Variants in SURF1 observed in about 807,000 individuals in gnomAD.
SURF1 encodes surfeit locus protein 1.
In SURF1, 45 loss-of-function variants were observed where a neutral mutation model predicts 34.1. That is an observed-to-expected ratio of 1.32 (90% confidence interval 1.04 to 1.69). The LOEUF (loss-of-function observed/expected upper bound fraction) is 1.69. SURF1 is among the 40% of genes most tolerant of loss of function. The probability of loss-of-function intolerance (pLI) is 0.00; values close to 1 mark genes in which losing one functional copy is unlikely to be tolerated. For missense variants in SURF1, 456 were observed against 384.6 expected, an observed-to-expected ratio of 1.19 and a Z score of -1.55; for synonymous variants, 188 against 147.5, an observed-to-expected ratio of 1.27 and a Z score of -1.99.
rs1300876782 is a variant in SURF1 at position 133,352,618 on chromosome 9, A to T, written c.589-10T>A. On this transcript the variant is annotated splice_polypyrimidine_tract_variant and intron_variant, in intron 6 of 8. Coordinates refer to ENST00000371974, the MANE Select transcript of SURF1 (RefSeq NM_003172.4). Reference sequence around the variant, plus strand: ...CCACTTCTCCCTCAATCTATAAAGGAAGGTGTGTGAGATTGCATGGAGCCT... The same window carrying T: ...CCACTTCTCCCTCAATCTATAAAGGTAGGTGTGTGAGATTGCATGGAGCCT... 3 of 1,614,002 alleles carry T rather than the reference A, an allele frequency of 1.9e-6. No individual in the cohort carries two copies. Among genetic ancestry groups the T allele is most frequent in the Non-Finnish European group, 2.5e-6 (3 of 1,180,002 alleles).
In SURF1 at chr9:133,353,773, G is replaced by GT; in HGVS notation, c.490dup (p.Thr164AsnfsTer16). ...CCCCAGGTCGGTGCAGTGGAAGGGA[G>GT]TGACCACATAGGCCCCACTCTGAGT... On this transcript the variant is annotated frameshift_variant, in exon 5 of 9. Coordinates refer to ENST00000371974, the MANE Select transcript of SURF1 (RefSeq NM_003172.4). LOFTEE classifies it high-confidence loss of function. The GT allele has an allele frequency of 1.2e-6, 2 of 1,613,872 alleles. No homozygotes were observed. Among genetic ancestry groups the GT allele is most frequent in the Non-Finnish European group, 1.7e-6 (2 of 1,180,040 alleles).
In SURF1 at chr9:133,352,709, G is replaced by A. The variant is rs2130009474; in HGVS notation, c.573C>T (p.Thr191=). The A allele has an allele frequency of 1.1e-5, 18 of 1,613,182 alleles. No homozygotes were observed. In the Admixed American group the frequency reaches 2.2e-4, roughly 19 times the overall value. ...TGTCCCTTACCTGGCCTTTCTGCCG[G>A]GTTTCAGGATTCACTTTCTTCCTGG... The part of the protein sequence containing the change: ...FVPRKKVNPE[T]RQKGQIEGEV... The change falls in exon 6 of 9, where the codon ACC becomes ACT. Residue 191 remains threonine (T), a synonymous_variant. Transcript: ENST00000371974.
chr9:133,352,405 CAA>C (rs2130006595), intron 7 of SURF1, 39 bp downstream of exon 7: 10 of 1,614,102 alleles, frequency 6.2e-6, no homozygotes, highest in Non-Finnish European at 8.5e-6. Flanking sequence ...ACAGTATTCA[CAA>C]AAGCTACTTG....
chr9:133,354,326 G>C (rs2130016836), intron 4 of SURF1: 1 of 490,308 alleles, frequency 2.0e-6, no homozygotes, highest in East Asian at 3.9e-5. Flanking sequence ...TTTTTCAAAC[G>C]ACCACCCTCA....
chr9:133,351,950 C>T lies in SURF1; in HGVS notation c.866G>A (p.Trp289Ter). The change falls in exon 9 of 9, where the codon TGG becomes TAG. Residue 289 changes from tryptophan to a stop codon, truncating the protein, a stop_gained. Coordinates refer to ENST00000371974, the MANE Select transcript of SURF1 (RefSeq NM_003172.4). LOFTEE classifies it high-confidence loss of function. ...YGLSAATSYL[W>*]FKKFLRGTPG... is the part of the protein sequence containing the mutation. ...TGTCCCACGTAGGAATTTCTTAAAC[C>T]ACAGGTAGGATGTAGCTGCAGAGAG... 1 of 1,613,938 alleles carries T rather than the reference C, an allele frequency of 6.2e-7. No individual in the cohort carries two copies. The highest frequency in any genetic ancestry group is 8.5e-7 in the Non-Finnish European group (1 of 1,179,984).
rs2130020994 is a variant in SURF1, at chr9:133,355,236, A to G, written c.107-279T>C. Among the ~76,000 whole-genome samples the G allele has an allele frequency of 4.9e-4, 74 of 152,342 alleles. 1 individual carries two copies. The highest frequency in any genetic ancestry group is 1.7e-3 in the African/African-American group (72 of 41,578). The stretch of plus-strand genomic sequence containing the variant: ...CCTTTTTACTCAAGAATCTAGATGT[A>G]TTCCACTGCACTAAGATGCACCATT... On this transcript the variant is annotated intron_variant, in intron 2 of 8. Transcript: ENST00000371974.
rs2130013313 is a variant in SURF1, at chr9:133,353,473, G to A, written c.515+276C>T. 0.056 allele frequency among the ~76,000 whole-genome samples: 8,556 copies of A among 152,290 alleles called. 335 individuals are homozygous for A. Among genetic ancestry groups the A allele is most frequent in the Non-Finnish European group, 0.087 (5,905 of 68,020 alleles). On this transcript the variant is annotated intron_variant, in intron 5 of 8. Transcript: ENST00000371974. ...CCATCATCTAATGTGTGGGCAACTAGACAGTTCTCCAGAGGCAGGGCCCCT... is the reference window on the plus strand; with the variant it reads ...CCATCATCTAATGTGTGGGCAACTAAACAGTTCTCCAGAGGCAGGGCCCCT...
intron 2 of SURF1, chr9:133,356,029 CAG>C (rs1408441174): frequency 1.3e-5 from 8 of 593,270 alleles, no homozygotes; most frequent in African/African-American, 1.1e-4. Flanking sequence ...TTCTCTGTAA[CAG>C]GGGAACGACC....
chr9:133,352,341 C>A, intron 7 of SURF1, 105 bp downstream of exon 7: 1 of 1,577,232 alleles, frequency 6.3e-7, no homozygotes, highest in Non-Finnish European at 8.7e-7. Flanking sequence ...GCCATATACA[C>A]ATGTGAGAAC....
intron 4 of SURF1, 70 bp from the exon 5 acceptor site, chr9:133,354,010 T>G: frequency 6.4e-7 from 1 of 1,572,052 alleles, no homozygotes; most frequent in Non-Finnish European, 8.7e-7. Flanking sequence ...GGTGGCAGAC[T>G]ACACAGCCCA....
At chr9:133,356,156 C>G (rs1005072528) in intron 2 of SURF1, 113 bp downstream of exon 2, 1 of 1,386,776 alleles carries the variant, frequency 7.2e-7, no homozygotes, top group African/African-American at 1.4e-5. Context: ...GGAGCCTCCG[C>G]TCAGCCGGCA....
intron 2 of SURF1, chr9:133,356,015 A>C (rs1309887905): frequency 1.7e-6 from 1 of 576,706 alleles, no homozygotes; most frequent in Non-Finnish European, 3.1e-6. Flanking sequence ...GTAACTCTCG[A>C]GCCTTCTCTG....
rs2130020962 is a variant in SURF1 at position 133,355,228 on chromosome 9, C to G, written c.107-271G>C. ...AACTCATGCCTTTTTACTCAAGAAT[C>G]TAGATGTATTCCACTGCACTAAGAT... is the stretch of plus-strand genomic sequence containing the variant. On this transcript the variant is annotated intron_variant, in intron 2 of 8. Transcript: ENST00000371974. Among the ~76,000 whole-genome samples, 27 of 152,342 alleles carry G rather than the reference C, an allele frequency of 1.8e-4. No individual in the cohort carries two copies. In the South Asian group the frequency reaches 3.9e-3, roughly 22 times the overall value.
chr9:133,356,366 G>GCACCGCACCCCGCA, intron 1 of SURF1, 34 bp downstream of exon 1: 1 of 1,343,382 alleles, frequency 7.4e-7, no homozygotes. Context: ...CCCTCCCCGC[G>GCACCGCACCCCGCA]CCCCGCACCC....
intron 5 of SURF1, 58 bp from the exon 6 acceptor site, chr9:133,352,824 T>C: frequency 6.5e-7 from 1 of 1,533,964 alleles, no homozygotes; most frequent in South Asian, 1.2e-5. Context: ...AGACAGTCAC[T>C]CATGGTCACT....
chr9:133,353,090 C>T (rs1836478009), intron 5 of SURF1, among the ~76,000 whole-genome samples: 1 of 152,200 alleles, frequency 6.6e-6, no homozygotes. Context: ...GACCCCACAC[C>T]TCTCCCCTGA....
At position 133,356,416 on chromosome 9, in the gene SURF1, G is replaced by A. The variant is rs2130026602; in HGVS notation, c.38C>T (p.Ala13Val). 9.6e-6 allele frequency: 13 copies of A among 1,360,552 alleles called. No individual in the cohort carries two copies. In the South Asian group the frequency reaches 2.1e-4, roughly 22 times the overall value. The allele number at this position is 1,360,552 out of a possible 1,614,324, so 84.3% of individuals were successfully genotyped here. A position where few individuals can be genotyped will look rare whatever the true frequency, so the allele number is the denominator to read the frequency against. The change falls in exon 1 of 9, where the codon GCG (alanine) becomes GTG (valine). Residue 13 changes from alanine (A) to valine (V), a missense_variant. Transcript: ENST00000371974. ...AVAALQLGLR[A>V]AGLGRAPASA... Reference sequence around the variant, plus strand: ...GGCGCTCACCCGTCCCAGCCCCGCCGCCCGCAGCCCCAGCTGCAACGCAGC... The same window carrying A: ...GGCGCTCACCCGTCCCAGCCCCGCCACCCGCAGCCCCAGCTGCAACGCAGC...
At position 133,351,983 on chromosome 9, in the gene SURF1, C is replaced by G. The variant is rs781814175; in HGVS notation, c.834-1G>C. The G allele has an allele frequency of 6.2e-7, 1 of 1,613,690 alleles. No individual in the cohort carries two copies. Among genetic ancestry groups the G allele is most frequent in the Non-Finnish European group, 8.5e-7 (1 of 1,179,944 alleles). ...GGATGTAGCTGCAGAGAGTCCATAC[C>G]TAGGGGTTGAAAGCAAGCCAGCATT... On this transcript the variant is annotated splice_acceptor_variant, in intron 8 of 8. Coordinates refer to ENST00000371974, the MANE Select transcript of SURF1 (RefSeq NM_003172.4). LOFTEE classifies it high-confidence loss of function.
At chr9:133,352,811 TAA>T in intron 5 of SURF1, 45 bp from the exon 6 acceptor site, 1 of 1,573,000 alleles carries the variant, frequency 6.4e-7, no homozygotes, top group Non-Finnish European at 8.7e-7. Context: ...GGTTTTTGAC[TAA>T]AGACAGTCAC....
Sources: allele counts gnomAD v4.1 joint callset (sites outside exome capture counted in the v4.1 genomes callset), GRCh38; gene constraint gnomAD v4.1.1; transcripts MANE v1.5; gene names NCBI Gene and HGNC (gene_info 2026-07-23, HGNC 2026-07-21).